CPQ: variants seen among roughly 807,000 people sequenced by gnomAD.
CPQ encodes the protein carboxypeptidase Q.
CPQ carries 37 observed loss-of-function variants against 45.7 expected under a neutral mutation model. That is an observed-to-expected ratio of 0.81 (90% confidence interval 0.62 to 1.07). The LOEUF (loss-of-function observed/expected upper bound fraction) is 1.07. Among genes scored for constraint, CPQ ranks in the 50% least tolerant of loss-of-function variants. The pLI is 0.00. For missense variants in CPQ, 537 were observed against 572.9 expected (o/e 0.94, Z 0.64); for synonymous variants, 186 against 205.8 (o/e 0.90, Z 0.82).
At chr8:96,670,702 G>A (rs1586352251) in intron 1 of CPQ, among the ~76,000 whole-genome samples, 1 of 152,182 alleles carries the variant, frequency 6.6e-6, no homozygotes. Flanking sequence ...GCAATAAAGA[G>A]GAAAAGATTA....
intron 4 of CPQ, among the ~76,000 whole-genome samples, chr8:96,894,946 A>C (rs1283373977): frequency 6.6e-6 from 1 of 152,228 alleles, no homozygotes; most frequent in Non-Finnish European, 1.5e-5. Flanking sequence ...TTTACTTGGC[A>C]TCATGCTAAC....
At chr8:96,984,847 A>G (rs1433178249) in intron 5 of CPQ, among the ~76,000 whole-genome samples, 1 of 152,178 alleles carries the variant, frequency 6.6e-6, no homozygotes, top group Non-Finnish European at 1.5e-5. Flanking sequence ...TGCTCAGTGA[A>G]TTTCAGCTGT....
At chr8:96,922,439 CA>C (rs1312341990) in intron 4 of CPQ, among the ~76,000 whole-genome samples, 2 of 152,172 alleles carry the variant, frequency 1.3e-5, no homozygotes, top group Non-Finnish European at 2.9e-5. Context: ...GTTCATCAGA[CA>C]GCAAGGATTA....
intron 4 of CPQ, among the ~76,000 whole-genome samples, chr8:96,952,233 G>T (rs1251324984): frequency 1.3e-5 from 2 of 152,116 alleles, no homozygotes; most frequent in African/African-American, 2.4e-5. Flanking sequence ...CATACAGAGG[G>T]ATATGATTGA....
At chr8:96,941,527 C>G (rs1476166693) in intron 4 of CPQ, among the ~76,000 whole-genome samples, 2 of 152,034 alleles carry the variant, frequency 1.3e-5, no homozygotes, top group African/African-American at 4.8e-5. Flanking sequence ...GGCAGTATGT[C>G]TTAAAACTGT....
intron 7 of CPQ, among the ~76,000 whole-genome samples, chr8:97,100,098 G>T (rs1176771996): frequency 1.3e-5 from 2 of 152,150 alleles, no homozygotes; most frequent in Admixed American, 6.5e-5. Flanking sequence ...TTAAAATTTA[G>T]ATGTGAACAC....
intron 4 of CPQ, among the ~76,000 whole-genome samples, chr8:96,882,503 C>T (rs908080861): frequency 6.6e-6 from 1 of 152,126 alleles, no homozygotes; most frequent in South Asian, 2.1e-4. Context: ...ATAATACTAT[C>T]GCTGTTTGGT....
At chr8:97,089,500 T>C (rs1214046068) in intron 7 of CPQ, among the ~76,000 whole-genome samples, 2 of 152,094 alleles carry the variant, frequency 1.3e-5, no homozygotes, top group African/African-American at 4.8e-5. Flanking sequence ...TCTTCTTCAT[T>C]TTCTATTAGT....
chr8:96,757,997 A>T (rs1810348993), intron 1 of CPQ, among the ~76,000 whole-genome samples: 1 of 152,208 alleles, frequency 6.6e-6, no homozygotes, highest in South Asian at 2.1e-4. Flanking sequence ...CAAATGTCTA[A>T]CGGGCTTTCA....
chr8:96,958,371 T>C (rs1813392806), intron 4 of CPQ, among the ~76,000 whole-genome samples: 1 of 152,198 alleles, frequency 6.6e-6, no homozygotes, highest in Admixed American at 6.5e-5. Context: ...CTACTCTTCC[T>C]GTCCTCTCAA....
At chr8:96,650,271 T>C (rs893429185) in intron 1 of CPQ, among the ~76,000 whole-genome samples, 8 of 152,106 alleles carry the variant, frequency 5.3e-5, no homozygotes, top group Non-Finnish European at 1.5e-5. Flanking sequence ...GGGTAATGAT[T>C]CGGAGAAATT....
intron 1 of CPQ, among the ~76,000 whole-genome samples, chr8:96,766,032 G>T (rs1586391833): frequency 6.6e-6 from 1 of 152,108 alleles, no homozygotes; most frequent in South Asian, 2.1e-4. Context: ...TTCCCAAAAG[G>T]TAAGAGTTAC....
chr8:97,102,810 A>ATCT (rs921266807), intron 7 of CPQ, among the ~76,000 whole-genome samples: 94 of 152,292 alleles, frequency 6.2e-4, no homozygotes, highest in African/African-American at 2.2e-3. Flanking sequence ...TCCTTTTGCC[A>ATCT]CTGTAAGAAA....
intron 3 of CPQ, among the ~76,000 whole-genome samples, chr8:96,854,322 G>A (rs938074416): frequency 1.1e-4 from 16 of 151,402 alleles, no homozygotes; most frequent in Non-Finnish European, 1.9e-4. Flanking sequence ...ACGAGGTCAG[G>A]AGATCGAGAC....
chr8:97,049,182 T>C (rs990090375), intron 6 of CPQ, among the ~76,000 whole-genome samples: 1 of 152,234 alleles, frequency 6.6e-6, no homozygotes, highest in Non-Finnish European at 1.5e-5. Flanking sequence ...TATTGAAATT[T>C]TCAAGTGGAG....
intron 2 of CPQ, among the ~76,000 whole-genome samples, chr8:96,817,190 T>A (rs1811239527): frequency 6.6e-6 from 1 of 152,138 alleles, no homozygotes; most frequent in African/African-American, 2.4e-5. Context: ...TGGTCTTAAC[T>A]GGGTTTTCTG....
rs996963693 is a variant in CPQ, at chr8:96,871,264, A to C, written c.642-8534A>C. Among the ~76,000 whole-genome samples, 9 of 152,206 alleles carry C rather than the reference A, an allele frequency of 5.9e-5. No individual in the cohort carries two copies. In the East Asian group the frequency reaches 1.7e-3, roughly 29 times the overall value. ...ACAAATGTGAATAAACAGTTAAAAC[A>C]TTAACAGATGTATTGGAAGAGTCCT... is the stretch of plus-strand genomic sequence containing the variant. On this transcript the variant is annotated intron_variant, in intron 3 of 7. Coordinates refer to ENST00000220763, the MANE Select transcript of CPQ (RefSeq NM_016134.4).
At chr8:96,794,331 G>A (rs1340967700) in intron 2 of CPQ, among the ~76,000 whole-genome samples, 4 of 152,184 alleles carry the variant, frequency 2.6e-5, no homozygotes, top group Admixed American at 2.6e-4. Flanking sequence ...CGTGAGGCTT[G>A]TGCCCTCTGA....
chr8:97,112,719 G>A (rs1346075014), intron 7 of CPQ, among the ~76,000 whole-genome samples: 1 of 152,208 alleles, frequency 6.6e-6, no homozygotes, highest in African/African-American at 2.4e-5. Flanking sequence ...GGATCAGAGG[G>A]CAACACTGGA....
Sources: allele counts gnomAD v4.1 joint callset (sites outside exome capture counted in the v4.1 genomes callset), GRCh38; gene constraint gnomAD v4.1.1; transcripts MANE v1.5; gene names NCBI Gene and HGNC (gene_info 2026-07-23, HGNC 2026-07-21).